DIAPH3: variants seen among roughly 807,000 people sequenced by gnomAD.
DIAPH3 encodes diaphanous related formin 3.
In DIAPH3, 117 loss-of-function variants were observed where a neutral mutation model predicts 144.3. The observed-to-expected ratio is 0.81, with a 90% CI of 0.70 to 0.95. The LOEUF (loss-of-function observed/expected upper bound fraction) is 0.95, where lower values mean the gene tolerates loss of function less well. Ranked by LOEUF, DIAPH3 falls within the 40% of genes least tolerant of loss-of-function variation. The pLI is 0.00. For missense variants in DIAPH3, 1,421 were observed against 1,412.7 expected (o/e 1.01, Z -0.09); for synonymous variants, 519 against 488.9 (o/e 1.06, Z -0.81).
chr13:60,026,291 T>C (rs192090206), intron 5 of DIAPH3, among the ~76,000 whole-genome samples: 3 of 152,248 alleles, frequency 2.0e-5, no homozygotes, highest in Admixed American at 2.0e-4. Flanking sequence ...GGGTACTTTT[T>C]CTATGAAAAC....
intron 27 of DIAPH3, among the ~76,000 whole-genome samples, chr13:59,735,898 A>G (rs1290991235): frequency 6.6e-6 from 1 of 151,902 alleles, no homozygotes; most frequent in African/African-American, 2.4e-5. Flanking sequence ...TCAGGCATTA[A>G]CCCTAGTCTC....
chr13:59,775,752 G>A (rs559798278), intron 25 of DIAPH3, among the ~76,000 whole-genome samples: 19 of 152,142 alleles, frequency 1.2e-4, no homozygotes, highest in Non-Finnish European at 2.2e-4. Context: ...CTTCTATAAT[G>A]AGAAATAAAT....
At chr13:60,067,690 C>T (rs1253555115) in intron 4 of DIAPH3, among the ~76,000 whole-genome samples, 2 of 152,094 alleles carry the variant, frequency 1.3e-5, no homozygotes, top group African/African-American at 2.4e-5. Flanking sequence ...CTGAGAGTAA[C>T]CAAATCTATA....
rs150046447 is a variant in DIAPH3 at position 59,916,635 on chromosome 13, T to C, written c.2171-386A>G. On this transcript the variant is annotated intron_variant, in intron 18 of 27. Coordinates refer to ENST00000400324, the MANE Select transcript of DIAPH3 (RefSeq NM_001042517.2). ...CCACAGTATGTGCATGTAATATTTG[T>C]CTAAGCATATGTATTATTTGCTTGT... 3.8e-3 allele frequency among the ~76,000 whole-genome samples: 573 copies of C among 152,296 alleles called. 3 individuals carry two copies. Among genetic ancestry groups the C allele is most frequent in the African/African-American group, 0.012 (507 of 41,582 alleles).
intron 27 of DIAPH3, among the ~76,000 whole-genome samples, chr13:59,702,420 A>G (rs1300379549): frequency 1.3e-5 from 2 of 152,224 alleles, no homozygotes; most frequent in Admixed American, 1.3e-4. Flanking sequence ...GCTAGATATT[A>G]TATTCACAGT....
At chr13:60,120,074 T>C (rs1204348040) in intron 2 of DIAPH3, among the ~76,000 whole-genome samples, 1 of 152,158 alleles carries the variant, frequency 6.6e-6, no homozygotes, top group Admixed American at 6.5e-5. Flanking sequence ...CCAAGTGAAC[T>C]AGCAACAGGA....
At chr13:59,700,069 C>A (rs992088610) in intron 27 of DIAPH3, among the ~76,000 whole-genome samples, 3 of 152,176 alleles carry the variant, frequency 2.0e-5, no homozygotes, top group African/African-American at 7.2e-5. Flanking sequence ...TCTGAATGGA[C>A]ATTGCTTTTC....
chr13:60,119,679 G>A (rs2058790254), intron 2 of DIAPH3, among the ~76,000 whole-genome samples: 1 of 145,926 alleles, frequency 6.9e-6, no homozygotes, highest in Non-Finnish European at 1.5e-5. Context: ...CCCGGGAGGC[G>A]GAGCTTGCAG....
Position 60,008,495 on chromosome 13 carries a change from A to C in DIAPH3, c.1014+49T>G, listed in dbSNP as rs770784481. 5.6e-6 allele frequency: 7 copies of C among 1,239,230 alleles called. No homozygotes were observed. The Admixed American group carries it at 1.2e-4, about 22-fold the overall frequency. The allele number at this position is 1,239,230 out of a possible 1,614,324, so 76.8% of individuals were successfully genotyped here. On this transcript the variant is annotated intron_variant, in intron 9 of 27. Transcript: ENST00000400324. ...ATAAACCAATCATAAAACCGTTAAA[A>C]GTAATATATGCCATTTAAAAACAGA...
intron 4 of DIAPH3, among the ~76,000 whole-genome samples, chr13:60,051,109 A>T (rs907479300): frequency 6.6e-6 from 1 of 152,194 alleles, no homozygotes; most frequent in African/African-American, 2.4e-5. Flanking sequence ...GCCTGATCAC[A>T]AATTCAAGAA....
Position 60,069,664 on chromosome 13 carries a change from G to A in DIAPH3, c.495+23964C>T, listed in dbSNP as rs146930892. Among the ~76,000 whole-genome samples, 369 of 152,260 alleles carry A rather than the reference G, an allele frequency of 2.4e-3. 1 individual carries two copies. Among genetic ancestry groups the A allele is most frequent in the African/African-American group, 8.4e-3 (349 of 41,556 alleles). Reference sequence around the variant, plus strand: ...GAGTTGATTTTTGTATATGGTGTAAGGAAGGGGTCAGTTTCAATCTTCTGC... The same window carrying A: ...GAGTTGATTTTTGTATATGGTGTAAAGAAGGGGTCAGTTTCAATCTTCTGC... On this transcript the variant is annotated intron_variant, in intron 4 of 27. Coordinates refer to ENST00000400324, the MANE Select transcript of DIAPH3 (RefSeq NM_001042517.2).
In DIAPH3 at chr13:59,772,446, G is replaced by T. The variant is rs1378149246; in HGVS notation, c.3319+1743C>A. ...TTGAACTTTGTGATATATCTTGTTC[G>T]GCTTGCTGTATAATCTACTAGCTTA... On this transcript the variant is annotated intron_variant, in intron 27 of 27. Coordinates refer to ENST00000400324, the MANE Select transcript of DIAPH3 (RefSeq NM_001042517.2). Among the ~76,000 whole-genome samples, 7 of 151,990 alleles carry T rather than the reference G, an allele frequency of 4.6e-5. No individual in the cohort carries two copies. In the East Asian group the frequency reaches 1.4e-3, roughly 29 times the overall value.
chr13:60,037,955 T>C (rs759858322), intron 5 of DIAPH3, among the ~76,000 whole-genome samples: 30 of 151,768 alleles, frequency 2.0e-4, no homozygotes, highest in Admixed American at 1.2e-3. Context: ...TGAGAGGAAA[T>C]ACAACTCTCA....
intron 20 of DIAPH3, among the ~76,000 whole-genome samples, chr13:59,895,430 G>GA (rs529308484): frequency 0.012 from 879 of 75,662 alleles, 4 homozygotes; most frequent in African/African-American, 0.021. Context: ...AATGTTAAAG[G>GA]AAAAAAAAAA....
At chr13:59,971,876 C>T (rs1370627549) in intron 15 of DIAPH3, among the ~76,000 whole-genome samples, 3 of 152,208 alleles carry the variant, frequency 2.0e-5, no homozygotes, top group African/African-American at 7.2e-5. Context: ...ACCTGACCAT[C>T]TCCTACTAGC....
intron 27 of DIAPH3, among the ~76,000 whole-genome samples, chr13:59,705,032 T>C (rs2138781738): frequency 6.6e-6 from 1 of 152,282 alleles, no homozygotes; most frequent in South Asian, 2.1e-4. Context: ...GATTATTAAA[T>C]AAAAATGAAC....
At chr13:60,061,036 G>A (rs1266104480) in intron 4 of DIAPH3, among the ~76,000 whole-genome samples, 1 of 151,968 alleles carries the variant, frequency 6.6e-6, no homozygotes, top group East Asian at 1.9e-4. Context: ...AAAAAGTAAG[G>A]GATCCTGTAT....
chr13:60,011,783 G>C (rs1327333811), intron 7 of DIAPH3, among the ~76,000 whole-genome samples: 1 of 152,024 alleles, frequency 6.6e-6, no homozygotes, highest in African/African-American at 2.4e-5. Context: ...TAATCACAAT[G>C]GTATTTATTA....
At chr13:60,018,663 C>A (rs1594360379) in intron 5 of DIAPH3, among the ~76,000 whole-genome samples, 1 of 152,064 alleles carries the variant, frequency 6.6e-6, no homozygotes, top group African/African-American at 2.4e-5. Flanking sequence ...TGTAAAGAGG[C>A]ATTAAACCAA....
Sources: allele counts gnomAD v4.1 joint callset (sites outside exome capture counted in the v4.1 genomes callset), GRCh38; gene constraint gnomAD v4.1.1; transcripts MANE v1.5; gene names NCBI Gene and HGNC (gene_info 2026-07-23, HGNC 2026-07-21).